Variants in CSGALNACT1 observed in about 807,000 individuals in gnomAD.
The protein encoded by CSGALNACT1 is chondroitin sulfate N-acetylgalactosaminyltransferase 1, also known as beta4GalNAcT-1.
Under a neutral mutation model 51.0 loss-of-function variants are expected in CSGALNACT1, and 52 were observed. That is an observed-to-expected ratio of 1.02 (90% CI 0.82 to 1.29). CSGALNACT1 has a LOEUF of 1.29. Ranked by LOEUF, CSGALNACT1 falls within the 50% of genes most tolerant of loss-of-function variation. The probability of loss-of-function intolerance (pLI) is 0.00; values close to 1 mark genes in which losing one functional copy is unlikely to be tolerated. For missense variants in CSGALNACT1, 935 were observed against 679.2 expected, an observed-to-expected ratio of 1.38 and a Z score of -4.19; for synonymous variants, 341 against 254.4, an observed-to-expected ratio of 1.34 and a Z score of -3.24.
intron 3 of CSGALNACT1, among the ~76,000 whole-genome samples, chr8:19,538,611 T>C (rs1563955539): frequency 6.6e-6 from 1 of 152,082 alleles, no homozygotes; most frequent in Non-Finnish European, 1.5e-5. Context: ...TCAGCCAACA[T>C]TCGGTGCATA....
chr8:19,716,737 G>A (rs1292433585), intron 1 of CSGALNACT1, among the ~76,000 whole-genome samples: 1 of 151,676 alleles, frequency 6.6e-6, no homozygotes, highest in African/African-American at 2.4e-5. Context: ...AGTTGTAGTG[G>A]GCCAAGATCG....
chr8:19,463,338 C>T (rs1213896869), intron 4 of CSGALNACT1, among the ~76,000 whole-genome samples: 2 of 152,088 alleles, frequency 1.3e-5, no homozygotes, highest in East Asian at 1.9e-4. Context: ...AAAGCCATAC[C>T]CAGCCATCCA....
At chr8:19,542,031 G>C (rs1465196575) in intron 3 of CSGALNACT1, among the ~76,000 whole-genome samples, 1 of 152,172 alleles carries the variant, frequency 6.6e-6, no homozygotes, top group Non-Finnish European at 1.5e-5. Context: ...GGCATGGATA[G>C]ATCTTATGAT....
At chr8:19,676,094 AACAAAAC>A (rs879648955) in intron 1 of CSGALNACT1, among the ~76,000 whole-genome samples, 6,314 of 131,530 alleles carry the variant, frequency 0.048, 396 homozygotes, top group Non-Finnish European at 0.079. Flanking sequence ...TAAAAAACAA[AACAAAAC>A]AAAAAAAACT....
chr8:19,500,618 T>C (rs2076250493), intron 4 of CSGALNACT1, among the ~76,000 whole-genome samples: 1 of 152,166 alleles, frequency 6.6e-6, no homozygotes, highest in South Asian at 2.1e-4. Context: ...ACAGGCTACT[T>C]AGTGATACAC....
chr8:19,458,617 T>A, exon 5 of CSGALNACT1: 1 of 1,614,176 alleles, frequency 6.2e-7, no homozygotes, highest in Non-Finnish European at 8.5e-7. Flanking sequence ...ACAATGTCCC[T>A]TTGTCCCTTT....
chr8:19,590,011 C>G (rs2047453747), intron 3 of CSGALNACT1, among the ~76,000 whole-genome samples: 1 of 152,190 alleles, frequency 6.6e-6, no homozygotes, highest in African/African-American at 2.4e-5. Flanking sequence ...AATCAGACCT[C>G]TCTAGGTTAG....
chr8:19,460,120 C>T (rs1447369693), intron 4 of CSGALNACT1, among the ~76,000 whole-genome samples: 1 of 151,966 alleles, frequency 6.6e-6, no homozygotes, highest in Non-Finnish European at 1.5e-5. Flanking sequence ...TACACACACA[C>T]ACATTACAAA....
At chr8:19,529,621 G>A (rs769429646) in intron 3 of CSGALNACT1, among the ~76,000 whole-genome samples, 11 of 152,132 alleles carry the variant, frequency 7.2e-5, no homozygotes, top group Non-Finnish European at 1.6e-4. Context: ...AAAGTGGTAA[G>A]GGAAAATGTG....
chr8:19,423,117 G>A (rs572609042), intron 6 of CSGALNACT1, among the ~76,000 whole-genome samples: 1 of 152,126 alleles, frequency 6.6e-6, no homozygotes, highest in African/African-American at 2.4e-5. Flanking sequence ...TACTACAGGA[G>A]AGTTCAACTA....
At chr8:19,681,281 G>C (rs1447615209) in intron 1 of CSGALNACT1, among the ~76,000 whole-genome samples, 1 of 152,168 alleles carries the variant, frequency 6.6e-6, no homozygotes, top group Admixed American at 6.5e-5. Flanking sequence ...GGAAACAGTA[G>C]AAAGGCAGGA....
chr8:19,475,061 G>C (rs111229190), intron 4 of CSGALNACT1, among the ~76,000 whole-genome samples: 5 of 152,198 alleles, frequency 3.3e-5, no homozygotes, highest in African/African-American at 1.2e-4. Context: ...CCCTAACTCT[G>C]CTGGGGAGAT....
intron 6 of CSGALNACT1, among the ~76,000 whole-genome samples, chr8:19,428,825 ATGTGTGTGTGTGTGTGTGTGTGTGTGTG>A (rs59241616): frequency 9.1e-5 from 13 of 143,340 alleles, no homozygotes; most frequent in African/African-American, 3.2e-4. Flanking sequence ...AAGACATGAT[ATGTGTGTGTGTGTGTGTGTGTGTGTGTG>A]TGTGTGTGTG....
chr8:19,662,274 T>C (rs565318185), intron 1 of CSGALNACT1, among the ~76,000 whole-genome samples: 43 of 151,678 alleles, frequency 2.8e-4, no homozygotes, highest in African/African-American at 9.7e-4. Context: ...TCTCAGCTAC[T>C]CAGGAGGCTG....
chr8:19,435,154 G>A (rs2060187785), intron 6 of CSGALNACT1, among the ~76,000 whole-genome samples: 1 of 152,166 alleles, frequency 6.6e-6, no homozygotes, highest in African/African-American at 2.4e-5. Context: ...TGTAGTAAAT[G>A]TCAACTTACA....
chr8:19,663,255 G>A (rs570329927), intron 1 of CSGALNACT1, among the ~76,000 whole-genome samples: 3 of 152,164 alleles, frequency 2.0e-5, no homozygotes, highest in Non-Finnish European at 2.9e-5. Flanking sequence ...TGACCCTAGG[G>A]TCAGGCTTGT....
In CSGALNACT1 at chr8:19,506,061, G is replaced by A. The variant is rs117184917; in HGVS notation, c.-227C>T. The A allele has an allele frequency of 1.3e-3, 873 of 687,022 alleles. 10 individuals carry two copies. In the East Asian group the frequency reaches 0.022, roughly 17 times the overall value. The allele number at this position is 687,022 out of a possible 1,614,324, so 42.6% of individuals were successfully genotyped here. ...TGCAGGCAGAAGCAATGACTGAAGT[G>A]AAATCTCCAAGTTTTCACCTTCATT... is the stretch of plus-strand genomic sequence containing the variant. On this transcript the variant is annotated 5_prime_UTR_variant, in exon 4 of 10. Coordinates refer to ENST00000454498, the Ensembl canonical transcript of CSGALNACT1.
intron 4 of CSGALNACT1, among the ~76,000 whole-genome samples, chr8:19,486,765 C>T (rs2073051792): frequency 6.6e-6 from 1 of 152,172 alleles, no homozygotes; most frequent in Non-Finnish European, 1.5e-5. Flanking sequence ...ATCCCCTTTA[C>T]TCAGCTATGG....
At position 19,630,994 on chromosome 8, in the gene CSGALNACT1, T is replaced by C. The variant is rs567227633; in HGVS notation, c.-543-29129A>G. On this transcript the variant is annotated intron_variant, in intron 1 of 9. Coordinates refer to the CSGALNACT1 transcript ENST00000332246. ...ATTAACTAAAGTCCATTGTTTTCAT[T>C]GGAGCTCGCTGGGTTTTGACAATTG... is the stretch of plus-strand genomic sequence containing the variant. Among the ~76,000 whole-genome samples the C allele has an allele frequency of 3.9e-5, 6 of 152,286 alleles. 1 individual carries two copies. Among genetic ancestry groups the C allele is most frequent in the African/African-American group, 1.4e-4 (6 of 41,568 alleles).
Sources: allele counts gnomAD v4.1 joint callset (sites outside exome capture counted in the v4.1 genomes callset), GRCh38; gene constraint gnomAD v4.1.1; transcripts MANE v1.5; gene names NCBI Gene and HGNC (gene_info 2026-07-23, HGNC 2026-07-21).